DCC: variants seen among roughly 807,000 people sequenced by gnomAD.
The protein encoded by DCC is DCC netrin 1 receptor.
Under a neutral mutation model 172.5 loss-of-function variants are expected in DCC, and 58 were observed. The observed-to-expected ratio is 0.34, with a 90% CI of 0.27 to 0.42. The LOEUF (loss-of-function observed/expected upper bound fraction) is 0.42, where lower values mean the gene tolerates loss of function less well. Ranked by LOEUF, DCC falls within the 10% of genes least tolerant of loss-of-function variation. The pLI is 1.00. For synonymous variants in DCC, 709 were observed against 644.5 expected (o/e 1.10, Z -1.52); for missense variants, 1,740 against 1,791.0 (o/e 0.97, Z 0.51).
chr18:52,350,143 A>G (rs1047867457), intron 1 of DCC, among the ~76,000 whole-genome samples: 2 of 152,202 alleles, frequency 1.3e-5, no homozygotes, highest in African/African-American at 4.8e-5. Flanking sequence ...GCCTTTACCA[A>G]CGATTACAAA....
At chr18:52,668,445 G>T (rs920571139) in intron 1 of DCC, among the ~76,000 whole-genome samples, 1 of 152,120 alleles carries the variant, frequency 6.6e-6, no homozygotes, top group African/African-American at 2.4e-5. Context: ...GAGAAAAATC[G>T]GCAAAAGAAA....
At chr18:52,591,925 C>T (rs2033810402) in intron 1 of DCC, among the ~76,000 whole-genome samples, 1 of 151,714 alleles carries the variant, frequency 6.6e-6, no homozygotes, top group African/African-American at 2.4e-5. Flanking sequence ...TCCAGGATTA[C>T]CGGTGTAAGC....
At chr18:53,267,108 TCTCA>T (rs143060743) in intron 12 of DCC, among the ~76,000 whole-genome samples, 3,842 of 143,900 alleles carry the variant, frequency 0.027, 161 homozygotes, top group African/African-American at 0.091. Context: ...ACACTCTCTC[TCTCA>T]CACACACACA....
chr18:52,890,908 C>T (rs2039639942), intron 2 of DCC, among the ~76,000 whole-genome samples: 1 of 151,964 alleles, frequency 6.6e-6, no homozygotes, highest in East Asian at 1.9e-4. Context: ...ATAAATTCAG[C>T]TGTTTTAAAT....
intron 1 of DCC, among the ~76,000 whole-genome samples, chr18:52,479,949 CTCCTACTAG>C (rs1279967679): frequency 1.3e-5 from 2 of 152,110 alleles, no homozygotes; most frequent in Non-Finnish European, 2.9e-5. Flanking sequence ...ACAATAGACC[CTCCTACTAG>C]TCCTAAGTAA....
At chr18:52,663,557 T>G (rs958043810) in intron 1 of DCC, among the ~76,000 whole-genome samples, 5 of 152,140 alleles carry the variant, frequency 3.3e-5, no homozygotes, top group African/African-American at 1.2e-4. Context: ...ATAAAAATAT[T>G]CACCCTAGCT....
intron 7 of DCC, among the ~76,000 whole-genome samples, chr18:53,094,418 C>T (rs970260723): frequency 1.3e-5 from 2 of 152,196 alleles, no homozygotes; most frequent in African/African-American, 4.8e-5. Flanking sequence ...CTTTAGGATT[C>T]TGTCACTTTT....
At chr18:53,513,969 C>G (rs142037140) in intron 27 of DCC, among the ~76,000 whole-genome samples, 56,419 of 148,534 alleles carry the variant, frequency 0.38, 11,349 homozygotes, top group East Asian at 0.61. Context: ...AGACCTAATA[C>G]ACATCTACAG....
At chr18:53,268,771 T>C (rs2056712726) in intron 12 of DCC, among the ~76,000 whole-genome samples, 1 of 152,164 alleles carries the variant, frequency 6.6e-6, no homozygotes, top group Admixed American at 6.5e-5. Context: ...TATGACCACC[T>C]GAACAGGATG....
At chr18:53,260,098 A>G (rs2056576353) in intron 12 of DCC, among the ~76,000 whole-genome samples, 1 of 151,642 alleles carries the variant, frequency 6.6e-6, no homozygotes, top group Admixed American at 6.6e-5. Flanking sequence ...CTAGTTATCC[A>G]TTTGTCTAAT....
intron 5 of DCC, among the ~76,000 whole-genome samples, chr18:52,949,997 G>A (rs552872837): frequency 9.2e-5 from 14 of 152,292 alleles, no homozygotes. Context: ...GAGGACCTAT[G>A]TACACAGGCA....
intron 1 of DCC, among the ~76,000 whole-genome samples, chr18:52,587,456 G>A (rs1308679031): frequency 6.6e-6 from 1 of 152,154 alleles, no homozygotes; most frequent in East Asian, 1.9e-4. Flanking sequence ...ACTCATGTGG[G>A]ATACAAATAT....
At chr18:52,917,736 T>G (rs1486571732) in intron 3 of DCC, among the ~76,000 whole-genome samples, 1 of 152,168 alleles carries the variant, frequency 6.6e-6, no homozygotes, top group Non-Finnish European at 1.5e-5. Context: ...TACCACCCTC[T>G]TGCTGTCTGG....
chr18:52,849,854 A>G (rs2038948683), intron 2 of DCC, among the ~76,000 whole-genome samples: 1 of 152,196 alleles, frequency 6.6e-6, no homozygotes, highest in Non-Finnish European at 1.5e-5. Flanking sequence ...CAGAGAGAGT[A>G]CATGGGCTTT....
At chr18:53,163,616 G>C (rs1373491103) in intron 8 of DCC, among the ~76,000 whole-genome samples, 1 of 152,184 alleles carries the variant, frequency 6.6e-6, no homozygotes, top group Non-Finnish European at 1.5e-5. Context: ...TGTAGATAAT[G>C]CAAGTGCCAT....
intron 1 of DCC, among the ~76,000 whole-genome samples, chr18:52,747,548 A>T (rs1568078896): frequency 6.6e-6 from 1 of 152,108 alleles, no homozygotes; most frequent in Non-Finnish European, 1.5e-5. Context: ...GGAGGTCTAC[A>T]CTTTGAATGA....
At chr18:52,752,692 T>A (rs1239869466) in intron 2 of DCC, among the ~76,000 whole-genome samples, 3 of 152,164 alleles carry the variant, frequency 2.0e-5, no homozygotes, top group African/African-American at 7.2e-5. Context: ...ATTAAAAGCT[T>A]ATTTCTTCTC....
intron 1 of DCC, among the ~76,000 whole-genome samples, chr18:52,610,177 AAATATATATATATATATATAT>A (rs1279748430): frequency 5.3e-5 from 1 of 19,022 alleles, no homozygotes; most frequent in Non-Finnish European, 9.2e-5. Context: ...AAAAAAAAAA[AAATATATATATATATATATAT>A]ATATATATAT....
intron 2 of DCC, among the ~76,000 whole-genome samples, chr18:52,759,918 G>A (rs1447261142): frequency 6.6e-6 from 1 of 152,196 alleles, no homozygotes; most frequent in African/African-American, 2.4e-5. Context: ...AGTCTTATCA[G>A]AGAAGTGGAG....
Sources: gnomAD v4.1 joint callset for allele counts (sites outside exome capture counted in the v4.1 genomes callset) on GRCh38, gnomAD v4.1.1 for gene constraint, MANE v1.5 for transcripts, NCBI Gene and HGNC (gene_info 2026-07-23, HGNC 2026-07-21) for gene names.